The following IL1RAPL2 variants were observed in gnomAD, a reference collection of about 807,000 sequenced individuals.
IL1RAPL2 encodes the protein interleukin 1 receptor accessory protein like 2.
A neutral mutation model predicts 44.1 loss-of-function variants in IL1RAPL2; 3 were observed. The ratio of observed to expected loss-of-function variants is 0.07; its 90% CI spans 0.03 to 0.18. IL1RAPL2 has a LOEUF of 0.18. Ranked by LOEUF, IL1RAPL2 falls within the 10% of genes least tolerant of loss-of-function variation. The pLI is 1.00. For missense variants in IL1RAPL2, 391 were observed against 496.4 expected (o/e 0.79, Z 2.02); for synonymous variants, 181 against 178.8 (o/e 1.01, Z -0.10).
At chrX:105,601,849 A>C (rs769255682) in intron 6 of IL1RAPL2, among the ~76,000 whole-genome samples, 3 of 110,708 alleles carry the variant, frequency 2.7e-5, no homozygotes, top group South Asian at 3.9e-4. Flanking sequence ...CAACACCACA[A>C]CACCACCTGG....
At chrX:105,539,248 C>A (rs2036701874) in intron 6 of IL1RAPL2, among the ~76,000 whole-genome samples, 1 of 111,016 alleles carries the variant, frequency 9.0e-6, no homozygotes, top group Non-Finnish European at 1.9e-5. Context: ...AAAGAACAAA[C>A]CCTGAGGCGT....
intron 6 of IL1RAPL2, among the ~76,000 whole-genome samples, chrX:105,684,879 C>G (rs1002723994): frequency 8.9e-6 from 1 of 112,037 alleles, no homozygotes; most frequent in Non-Finnish European, 1.9e-5. Flanking sequence ...ATTTGCTGTT[C>G]TGCAGCCTCT....
At chrX:105,197,938 A>G (rs2033685390) in intron 3 of IL1RAPL2, among the ~76,000 whole-genome samples, 1 of 111,064 alleles carries the variant, frequency 9.0e-6, no homozygotes, top group Non-Finnish European at 1.9e-5. Context: ...CAAGGAGGCC[A>G]CAGTTTCTGT....
At chrX:104,731,695 A>G (rs918888239) in intron 2 of IL1RAPL2, among the ~76,000 whole-genome samples, 8 of 111,739 alleles carry the variant, frequency 7.2e-5, no homozygotes, top group Non-Finnish European at 1.1e-4. Context: ...GGGCCTTTAA[A>G]GGCGCCTGGC....
At chrX:105,390,774 A>C (rs1270680698) in intron 5 of IL1RAPL2, among the ~76,000 whole-genome samples, 1 of 110,987 alleles carries the variant, frequency 9.0e-6, no homozygotes, top group Non-Finnish European at 1.9e-5. Context: ...ACAGAGTTCA[A>C]GTATCTGCGG....
intron 6 of IL1RAPL2, among the ~76,000 whole-genome samples, chrX:105,687,840 C>T (rs1472385884): frequency 9.0e-6 from 1 of 111,388 alleles, no homozygotes; most frequent in East Asian, 2.8e-4. Flanking sequence ...ACTGGCAAAC[C>T]GAATCCCGCA....
At chrX:104,819,738 A>G (rs964972019) in intron 2 of IL1RAPL2, among the ~76,000 whole-genome samples, 2 of 111,631 alleles carry the variant, frequency 1.8e-5, no homozygotes, top group African/African-American at 3.3e-5. Context: ...CCTTAGCAAA[A>G]TGTGCTTCCA....
At position 105,086,733 on chromosome X, in the gene IL1RAPL2, T is replaced by A. The variant is rs750425230; in HGVS notation, c.83-108742T>A. Among the ~76,000 whole-genome samples the A allele has an allele frequency of 1.4e-4, 15 of 109,227 alleles. No homozygotes were observed. In the Middle Eastern group the frequency reaches 0.023, roughly 171 times the overall value. 94.9% of individuals were successfully genotyped at this position (109,227 alleles called of 115,157 possible). On this transcript the variant is annotated intron_variant, in intron 2 of 10. Transcript: ENST00000372582. Reference sequence around the variant, plus strand: ...GTGTGTGTGTGTGTGTGTGTGTATATAATCAGATTGTACCCCATAAATATA... The same window carrying A: ...GTGTGTGTGTGTGTGTGTGTGTATAAAATCAGATTGTACCCCATAAATATA...
At chrX:105,031,542 A>T (rs2031496110) in intron 2 of IL1RAPL2, among the ~76,000 whole-genome samples, 1 of 112,134 alleles carries the variant, frequency 8.9e-6, no homozygotes, top group Non-Finnish European at 1.9e-5. Context: ...ATGCTGGATT[A>T]CATTTATTGA....
intron 1 of IL1RAPL2, among the ~76,000 whole-genome samples, chrX:104,615,112 G>C (rs1456248970): frequency 8.9e-6 from 1 of 111,842 alleles, no homozygotes; most frequent in Non-Finnish European, 1.9e-5. Context: ...CTTTGTCGTA[G>C]TAGGTATCAT....
intron 2 of IL1RAPL2, among the ~76,000 whole-genome samples, chrX:104,827,017 G>A (rs2147626681): frequency 1.1e-5 from 1 of 88,458 alleles, no homozygotes; most frequent in South Asian, 6.5e-4. Flanking sequence ...GCCTATGTGT[G>A]TCTTTGCACA....
At chrX:105,571,365 A>C (rs2037013210) in intron 6 of IL1RAPL2, among the ~76,000 whole-genome samples, 1 of 112,126 alleles carries the variant, frequency 8.9e-6, no homozygotes, top group Admixed American at 9.5e-5. Context: ...AATGATGATT[A>C]TAAATTATTC....
At chrX:104,780,501 T>A (rs936175775) in intron 2 of IL1RAPL2, among the ~76,000 whole-genome samples, 1 of 111,929 alleles carries the variant, frequency 8.9e-6, no homozygotes, top group Non-Finnish European at 1.9e-5. Context: ...TTATTTAGGC[T>A]CTGTGGGCTG....
chrX:104,778,564 A>AATAT (rs35804353), intron 2 of IL1RAPL2, among the ~76,000 whole-genome samples: 5 of 99,495 alleles, frequency 5.0e-5, no homozygotes, highest in South Asian at 4.6e-4. Context: ...CGTCTCAAAT[A>AATAT]ATATATATAT....
chrX:104,654,938 T>C lies in IL1RAPL2; in HGVS notation c.-19-3957T>C, dbSNP rs1032872411. 4.5e-5 allele frequency among the ~76,000 whole-genome samples: 5 copies of C among 111,199 alleles called. No individual in the cohort carries two copies. The Admixed American group carries it at 4.8e-4, about 11-fold the overall frequency. ...GTATTTTATTCTCTTTGTAGCAATTTTGAATGGGAGTCCACTCATGATTTG... is the reference window on the plus strand; with the variant it reads ...GTATTTTATTCTCTTTGTAGCAATTCTGAATGGGAGTCCACTCATGATTTG... On this transcript the variant is annotated intron_variant, in intron 1 of 10. Transcript: ENST00000372582.
At chrX:105,698,067 G>A (rs1184328860) in intron 6 of IL1RAPL2, among the ~76,000 whole-genome samples, 1 of 111,318 alleles carries the variant, frequency 9.0e-6, no homozygotes, top group Non-Finnish European at 1.9e-5. Context: ...GAGGGGAGTA[G>A]ACACAGCATC....
At chrX:105,219,281 A>C in intron 3 of IL1RAPL2, 2 of 1,208,687 alleles carry the variant, frequency 1.7e-6, no homozygotes, top group Non-Finnish European at 2.2e-6. Context: ...AAAGGGCTTG[A>C]GTATGAGTAT....
At chrX:104,647,311 G>C (rs966492835) in intron 1 of IL1RAPL2, 3 of 445,278 alleles carry the variant, frequency 6.7e-6, no homozygotes, top group Non-Finnish European at 8.4e-6. Flanking sequence ...CGTCCCCTGC[G>C]GTGGCCAGTG....
At chrX:105,615,118 A>G (rs1474237538) in intron 6 of IL1RAPL2, among the ~76,000 whole-genome samples, 1 of 112,282 alleles carries the variant, frequency 8.9e-6, no homozygotes, top group East Asian at 2.8e-4. Context: ...GCATATCAGA[A>G]CTACAATAAG....
Sources: gnomAD v4.1 joint callset for allele counts (sites outside exome capture counted in the v4.1 genomes callset) on GRCh38, gnomAD v4.1.1 for gene constraint, MANE v1.5 for transcripts, NCBI Gene and HGNC (gene_info 2026-07-23, HGNC 2026-07-21) for gene names.